The following HYCC2 variants were observed in gnomAD, a reference collection of about 807,000 sequenced individuals.
The protein encoded by HYCC2 is hyccin 2.
chr2:201,052,758 G>A, the HYCC2 span, among the ~76,000 whole-genome samples: 12 of 152,302 alleles, frequency 7.9e-5, no homozygotes, highest in East Asian at 1.9e-3. Flanking sequence ...AGTGAAACCT[G>A]GTAGACTCTC....
At chr2:201,010,572 T>C in the HYCC2 span, among the ~76,000 whole-genome samples, 3 of 151,962 alleles carry the variant, frequency 2.0e-5, no homozygotes, top group East Asian at 1.9e-4. Context: ...CAAATAAATA[T>C]AAGCAAAAAA....
At chr2:201,029,152 G>T in the HYCC2 span, among the ~76,000 whole-genome samples, 7 of 152,292 alleles carry the variant, frequency 4.6e-5, no homozygotes, top group African/African-American at 1.7e-4. Flanking sequence ...CAAAGCATAT[G>T]AACAGACACT....
chr2:201,010,920 G>T, the HYCC2 span, among the ~76,000 whole-genome samples: 1 of 152,100 alleles, frequency 6.6e-6, no homozygotes, highest in Admixed American at 6.5e-5. Flanking sequence ...GCCTAGGCGG[G>T]CGGATCACAA....
At chr2:200,986,394 A>C in the HYCC2 span, among the ~76,000 whole-genome samples, 130 of 152,354 alleles carry the variant, frequency 8.5e-4, no homozygotes, top group African/African-American at 2.8e-3. Flanking sequence ...TTTTAAAGCT[A>C]CTTGCTTGAT....
chr2:201,012,959 A>G, the HYCC2 span, among the ~76,000 whole-genome samples: 1 of 141,930 alleles, frequency 7.0e-6, no homozygotes, highest in Non-Finnish European at 1.5e-5. Flanking sequence ...AAATACACAC[A>G]CACACACACA....
At chr2:201,020,108 T>TA in the HYCC2 span, among the ~76,000 whole-genome samples, 1 of 151,764 alleles carries the variant, frequency 6.6e-6, no homozygotes, top group East Asian at 1.9e-4. Flanking sequence ...AAACAAACAA[T>TA]AAAAAAACTT....
chr2:201,009,181 G>A, the HYCC2 span: 1 of 694,376 alleles, frequency 1.4e-6, no homozygotes, highest in East Asian at 2.8e-5. Flanking sequence ...TTCCATAAAA[G>A]GCAGTTTTGG....
the HYCC2 span, chr2:201,009,130 G>A: frequency 9.9e-6 from 12 of 1,207,478 alleles, no homozygotes; most frequent in Non-Finnish European, 1.4e-5. Context: ...TCTCTACCAT[G>A]AAGTAAAAAT....
At chr2:201,044,851 G>A in the HYCC2 span, among the ~76,000 whole-genome samples, 2 of 152,058 alleles carry the variant, frequency 1.3e-5, no homozygotes, top group South Asian at 2.1e-4. Context: ...TACATGCTAG[G>A]TACCAAGTAA....
chr2:201,042,818 G>T, the HYCC2 span, among the ~76,000 whole-genome samples: 1 of 150,936 alleles, frequency 6.6e-6, no homozygotes, highest in African/African-American at 2.4e-5. Flanking sequence ...GGGAAGTGGG[G>T]AGCCCCTCTG....
the HYCC2 span, among the ~76,000 whole-genome samples, chr2:201,007,499 T>G: frequency 6.6e-6 from 1 of 152,238 alleles, no homozygotes; most frequent in South Asian, 2.1e-4. Context: ...GAATGCATAT[T>G]GCTTTGATAC....
At chr2:201,004,264 A>G in the HYCC2 span, among the ~76,000 whole-genome samples, 9 of 152,258 alleles carry the variant, frequency 5.9e-5, no homozygotes, top group African/African-American at 2.2e-4. Flanking sequence ...TGAAGCGTGC[A>G]TAAGTAGGAT....
the HYCC2 span, chr2:200,992,422 A>G: frequency 2.5e-6 from 3 of 1,195,518 alleles, no homozygotes; most frequent in Non-Finnish European, 3.7e-6. Context: ...TCTTCAGCAC[A>G]ACTTTTTAAA....
At chr2:201,027,627 A>G in the HYCC2 span, among the ~76,000 whole-genome samples, 4 of 152,268 alleles carry the variant, frequency 2.6e-5, no homozygotes, top group Non-Finnish European at 5.9e-5. Flanking sequence ...AGATCAAGTC[A>G]GCTTCATCCC....
At chr2:201,028,079 C>T in the HYCC2 span, among the ~76,000 whole-genome samples, 1 of 151,980 alleles carries the variant, frequency 6.6e-6, no homozygotes, top group Non-Finnish European at 1.5e-5. Context: ...CATCTCAGCC[C>T]AAAAATCTCC....
chr2:201,001,437 G>A, the HYCC2 span, among the ~76,000 whole-genome samples: 1 of 152,108 alleles, frequency 6.6e-6, no homozygotes, highest in East Asian at 1.9e-4. Context: ...GAAATAACTC[G>A]AATGTCCATC....
At chr2:201,060,370 CTA>C in the HYCC2 span, among the ~76,000 whole-genome samples, 1 of 152,106 alleles carries the variant, frequency 6.6e-6, no homozygotes, top group East Asian at 1.9e-4. Flanking sequence ...AGCCAAATGA[CTA>C]TGTTTCAGTC....
At chr2:201,041,561 T>C in the HYCC2 span, among the ~76,000 whole-genome samples, 2 of 152,242 alleles carry the variant, frequency 1.3e-5, no homozygotes, top group Non-Finnish European at 2.9e-5. Flanking sequence ...GCAGCTCTTC[T>C]TCCATTCCCC....
chr2:201,002,873 T>C, the HYCC2 span, among the ~76,000 whole-genome samples: 2 of 152,190 alleles, frequency 1.3e-5, no homozygotes, highest in Non-Finnish European at 1.5e-5. Flanking sequence ...ATCCTATAGA[T>C]ACTTTTCGTG....
Sources: gnomAD v4.1 joint callset for allele counts (sites outside exome capture counted in the v4.1 genomes callset) on GRCh38, gnomAD v4.1.1 for gene constraint, MANE v1.5 for transcripts, NCBI Gene and HGNC (gene_info 2026-07-23, HGNC 2026-07-21) for gene names.